The following ZNF776 variants were observed in gnomAD, a reference collection of about 807,000 sequenced individuals.
ZNF776 encodes the protein zinc finger protein 776.
ZNF776 carries 4 observed loss-of-function variants against 7.0 expected under a neutral mutation model. That is an observed-to-expected ratio of 0.57 (90% CI 0.28 to 1.31). The LOEUF (loss-of-function observed/expected upper bound fraction) is 1.31. ZNF776 is among the 50% of genes most tolerant of loss of function. The pLI, the probability that ZNF776 is intolerant of heterozygous loss-of-function variation, is 0.10. For missense variants in ZNF776, 555 were observed against 625.9 expected (o/e 0.89, Z 1.21); for synonymous variants, 212 against 213.7 (o/e 0.99, Z 0.07).
intron 2 of ZNF776, among the ~76,000 whole-genome samples, chr19:57,752,685 C>T (rs1019184116): frequency 4.6e-5 from 7 of 152,306 alleles, no homozygotes; most frequent in South Asian, 4.1e-4. Context: ...CAGACTTCAC[C>T]GTTCTATACC....
intron 2 of ZNF776, among the ~76,000 whole-genome samples, chr19:57,752,073 C>T (rs568769177): frequency 5.9e-5 from 9 of 152,006 alleles, no homozygotes; most frequent in Admixed American, 2.6e-4. Flanking sequence ...GGGGTTTCAC[C>T]GTGTTAGCCA....
intron 1 of ZNF776, 97 bp from the exon 2 acceptor site, chr19:57,750,688 C>G: frequency 6.9e-7 from 1 of 1,456,514 alleles, no homozygotes; most frequent in Non-Finnish European, 9.1e-7. Flanking sequence ...CCTAGTTTCT[C>G]CTTGTAGTTT....
rs1000576868 is a variant in ZNF776, at chr19:57,756,114, G to A, written c.*1427G>A. ...ATGTTTTAAGAAAGTTTACAAATTTGTGTTGGGCTGCATTCAAAGCTGTCC... is the reference window on the plus strand; with the variant it reads ...ATGTTTTAAGAAAGTTTACAAATTTATGTTGGGCTGCATTCAAAGCTGTCC... On this transcript the variant is annotated 3_prime_UTR_variant, in exon 3 of 3. Transcript: ENST00000317178. The A allele has an allele frequency of 3.3e-5, 5 of 152,170 alleles. No homozygotes were observed. The highest frequency in any genetic ancestry group is 1.2e-4 in the African/African-American group (5 of 41,430). The allele number at this position is 152,170 out of a possible 1,614,324, so 9.4% of individuals were successfully genotyped here.
chr19:57,747,798 C>T (rs938848745), intron 1 of ZNF776, among the ~76,000 whole-genome samples: 27 of 151,668 alleles, frequency 1.8e-4, no homozygotes, highest in Admixed American at 1.8e-3. Context: ...GCCCTAACTC[C>T]TATCCACATG....
In ZNF776 at chr19:57,754,128, G is replaced by T. The variant is rs578119622; in HGVS notation, c.998G>T (p.Arg333Leu). 11 of 1,613,030 alleles carry T rather than the reference G, an allele frequency of 6.8e-6. No homozygotes were observed. Among genetic ancestry groups the T allele is most frequent in the Non-Finnish European group, 9.3e-6 (11 of 1,179,744 alleles). Reference protein sequence around the residue: ...DECGKSFSHKRSLVHHQRVHT... With the variant: ...DECGKSFSHKLSLVHHQRVHT... ...TGTGGGAAATCTTTTAGCCATAAGC[G>T]CAGCCTTGTTCACCACCAGCGAGTT... Residue 333 changes from arginine (R) to leucine (L), a missense_variant, in exon 3 of 3, where the codon CGC becomes CTC. Transcript: ENST00000317178.
chr19:57,756,857 T>C lies in ZNF776; in HGVS notation c.*2170T>C, dbSNP rs1986791417. 1 of 455,958 alleles carries C rather than the reference T, an allele frequency of 2.2e-6. No individual in the cohort carries two copies. Among genetic ancestry groups the C allele is most frequent in the African/African-American group, 2.0e-5 (1 of 50,022 alleles). The allele number at this position is 455,958 out of a possible 1,614,324, so 28.2% of individuals were successfully genotyped here. On this transcript the variant is annotated 3_prime_UTR_variant, in exon 3 of 3. Transcript: ENST00000317178. ...GGAGAAAGAAATCATAATTCTTTAA[T>C]TTTTATTTTTTTAGGGAAATGATGT...
intron 2 of ZNF776, among the ~76,000 whole-genome samples, chr19:57,752,117 C>T (rs1267021746): frequency 1.3e-5 from 2 of 151,902 alleles, no homozygotes; most frequent in Non-Finnish European, 2.9e-5. Flanking sequence ...TGTGATCCAC[C>T]CGCCTCGGGC....
In ZNF776 at chr19:57,753,790, ACACT is replaced by A. The variant is rs752153111; in HGVS notation, c.665_668del (p.Ser222LeufsTer169). The A allele has an allele frequency of 1.4e-4, 228 of 1,614,232 alleles. No homozygotes were observed. The highest frequency in any genetic ancestry group is 1.2e-4 in the Non-Finnish European group (138 of 1,180,036). On this transcript the variant is annotated frameshift_variant, in exon 3 of 3. Transcript: ENST00000317178. LOFTEE classifies it low-confidence loss of function (END_TRUNC). ...AGTCCACAATACCGTTTAGCAACAA[ACACT>A]CACTTGTCCTTCACCAGAGACTTCT...
At chr19:57,748,364 A>G (rs568608141) in intron 1 of ZNF776, among the ~76,000 whole-genome samples, 101 of 152,328 alleles carry the variant, frequency 6.6e-4, no homozygotes, top group African/African-American at 2.4e-3. Context: ...ACATAATTAG[A>G]ATATTATGCA....
At position 57,757,819 on chromosome 19, in the gene ZNF776, C is replaced by G. The variant is rs933761798; in HGVS notation, c.*3132C>G. The G allele has an allele frequency of 1.3e-5, 2 of 152,156 alleles. No homozygotes were observed. The highest frequency in any genetic ancestry group is 1.3e-4 in the Admixed American group (2 of 15,268). The allele number at this position is 152,156 out of a possible 1,614,324, so 9.4% of individuals were successfully genotyped here. A position where few individuals can be genotyped will look rare whatever the true frequency, so the allele number is the denominator to read the frequency against. On this transcript the variant is annotated 3_prime_UTR_variant, in exon 3 of 3. Coordinates refer to ENST00000317178, the MANE Select transcript of ZNF776 (RefSeq NM_173632.4). ...GGCCTCTCCATGCTCCAGACAATCA[C>G]TGAATTACAATATTTGCTTAACAGT... is the stretch of plus-strand genomic sequence containing the variant.
At chr19:57,751,093 T>G (rs1986590369) in intron 2 of ZNF776, among the ~76,000 whole-genome samples, 182 bp downstream of exon 2, 1 of 152,130 alleles carries the variant, frequency 6.6e-6, no homozygotes, top group African/African-American at 2.4e-5. Context: ...TCTCTCTCCT[T>G]GAGCAGCCCC....
At position 57,753,810 on chromosome 19, in the gene ZNF776, A is replaced by C. The variant is rs1273144377; in HGVS notation, c.680A>C (p.Gln227Pro). Residue 227 changes from glutamine (Q) to proline (P), a missense_variant, in exon 3 of 3, where the codon CAG (glutamine) becomes CCG (proline). Gln to Pro is a moderately conservative substitution (Grantham distance 76, BLOSUM62 -1). Transcript: ENST00000317178. ...FSNKHSLVLHQRLLPREGPYV... is the reference protein window; with the variant it reads ...FSNKHSLVLHPRLLPREGPYV... ...AACAAACACTCACTTGTCCTTCACC[A>C]GAGACTTCTCCCTAGAGAAGGACCT... The C allele has an allele frequency of 1.2e-6, 2 of 1,614,256 alleles. No homozygotes were observed. Among genetic ancestry groups the C allele is most frequent in the Middle Eastern group, 1.6e-4 (1 of 6,062 alleles).
rs766858854 is a variant in ZNF776, at chr19:57,753,662, A to C, written c.532A>C (p.Arg178=). Residue 178 remains arginine, a synonymous_variant, in exon 3 of 3, where the codon AGA becomes CGA. Transcript: ENST00000317178. ...EVGKDFLSSL[R]LLQQEDIHTS... ...TGGGAAAGACTTTTTGTCCAGCTTG[A>C]GATTACTCCAACAAGAGGACATTCA... is the stretch of plus-strand genomic sequence containing the variant. The C allele has an allele frequency of 3.1e-6, 5 of 1,614,038 alleles. No homozygotes were observed. The highest frequency in any genetic ancestry group is 4.2e-6 in the Non-Finnish European group (5 of 1,180,024).
At chr19:57,749,155 A>T (rs1443857278) in intron 1 of ZNF776, 2 of 152,042 alleles carry the variant, frequency 1.3e-5, no homozygotes, top group African/African-American at 4.8e-5. Context: ...TATTTTTAGT[A>T]GAGATGTGAT....
chr19:57,751,122 A>G (rs1024235278), intron 2 of ZNF776, among the ~76,000 whole-genome samples: 4 of 152,166 alleles, frequency 2.6e-5, no homozygotes, highest in African/African-American at 9.7e-5. Context: ...CTTTGCTGCA[A>G]GCTCCCAGAG....
At chr19:57,753,261 T>G (rs747480521) in intron 2 of ZNF776, 30 bp from the exon 3 acceptor site, 1 of 1,592,416 alleles carries the variant, frequency 6.3e-7, no homozygotes, top group African/African-American at 1.3e-5. Flanking sequence ...GGAAGTACCT[T>G]GCATTTTACC....
At position 57,747,006 on chromosome 19, in the gene ZNF776, G is replaced by A; in HGVS notation, c.-53G>A. The stretch of plus-strand genomic sequence containing the variant: ...CCGGGATCGGGACCACCGTGCCCGG[G>A]TACCTGCACTGCTCGCCCCCTCCTT... On this transcript the variant is annotated 5_prime_UTR_variant, in exon 1 of 3. Transcript: ENST00000317178. The A allele has an allele frequency of 2.0e-6, 3 of 1,526,698 alleles. No homozygotes were observed. The highest frequency in any genetic ancestry group is 1.4e-5 in the African/African-American group (1 of 72,594). 94.6% of individuals were successfully genotyped at this position (1,526,698 alleles called of 1,614,324 possible). A position where few individuals can be genotyped will look rare whatever the true frequency, so the allele number is the denominator to read the frequency against.
At chr19:57,750,648 A>G in intron 1 of ZNF776, 137 bp from the exon 2 acceptor site, 1 of 1,126,120 alleles carries the variant, frequency 8.9e-7, no homozygotes, top group South Asian at 1.8e-5. Flanking sequence ...ATGACCAGTG[A>G]GCCCATGAGA....
Position 57,756,844 on chromosome 19 carries a change from C to CGAA in ZNF776, c.*2157_*2158insGAA, listed in dbSNP as rs1365111334. 4.4e-6 allele frequency: 2 copies of CGAA among 455,206 alleles called. No individual in the cohort carries two copies. The highest frequency in any genetic ancestry group is 2.4e-5 in the Admixed American group (1 of 42,402). 28.2% of individuals were successfully genotyped at this position (455,206 alleles called of 1,614,324 possible). On this transcript the variant is annotated 3_prime_UTR_variant, in exon 3 of 3. Coordinates refer to ENST00000317178, the MANE Select transcript of ZNF776 (RefSeq NM_173632.4). Reference sequence around the variant, plus strand: ...ACGTTATAAGCCTGGAGAAAGAAATCATAATTCTTTAATTTTTATTTTTTT... The same window carrying CGAA: ...ACGTTATAAGCCTGGAGAAAGAAATCGAAATAATTCTTTAATTTTTATTTTTTT...
Sources: allele counts gnomAD v4.1 joint callset (sites outside exome capture counted in the v4.1 genomes callset), GRCh38; gene constraint gnomAD v4.1.1; transcripts MANE v1.5; gene names NCBI Gene and HGNC (gene_info 2026-07-23, HGNC 2026-07-21).